Variants in SPDYE3 observed in about 807,000 individuals in gnomAD.
SPDYE3 encodes speedy protein E3.
Under a neutral mutation model 55.0 loss-of-function variants are expected in SPDYE3, and 15 were observed. The observed-to-expected ratio is 0.27, with a 90% CI of 0.18 to 0.42. The LOEUF (loss-of-function observed/expected upper bound fraction) is 0.42. SPDYE3 is among the 10% of genes least tolerant of loss of function. The probability of loss-of-function intolerance (pLI) is 1.00; values close to 1 mark genes in which losing one functional copy is unlikely to be tolerated. For missense variants in SPDYE3, 236 were observed against 576.7 expected, an observed-to-expected ratio of 0.41 and a Z score of 6.05; for synonymous variants, 89 against 229.9, an observed-to-expected ratio of 0.39 and a Z score of 5.55.
At chr7:100,318,132 A>T (rs1229974337) in intron 8 of SPDYE3, among the ~76,000 whole-genome samples, 1 of 151,978 alleles carries the variant, frequency 6.6e-6, no homozygotes, top group Non-Finnish European at 1.5e-5. Flanking sequence ...CAACCGCAAA[A>T]GCCACCAACC....
intron 8 of SPDYE3, among the ~76,000 whole-genome samples, chr7:100,318,925 T>A (rs1789509565): frequency 6.7e-6 from 1 of 148,638 alleles, no homozygotes. Flanking sequence ...TTTATTTATT[T>A]ATCAAGACAA....
intron 10 of SPDYE3, 171 bp from the exon 11 acceptor site, chr7:100,320,720 T>G (rs1789563162): frequency 9.2e-7 from 1 of 1,088,560 alleles, no homozygotes; most frequent in Non-Finnish European, 1.2e-6. Context: ...AAGCGTGAGT[T>G]TCACAGTTGA....
rs865954386 is a variant in SPDYE3, at chr7:100,317,970, C to T, written c.1346+815C>T. Among the ~76,000 whole-genome samples the T allele has an allele frequency of 9.9e-5, 13 of 131,066 alleles. No homozygotes were observed. In the East Asian group the frequency reaches 1.7e-3, roughly 17 times the overall value. 86.0% of individuals were successfully genotyped at this position (131,066 alleles called of 152,430 possible). ...CAGCCTGGGCGACAGAATGAGACTCCGTCTCAAAAAAAAAAAAAAAAAAAA... is the reference window on the plus strand; with the variant it reads ...CAGCCTGGGCGACAGAATGAGACTCTGTCTCAAAAAAAAAAAAAAAAAAAA... On this transcript the variant is annotated intron_variant, in intron 8 of 10. Transcript: ENST00000332397.
At chr7:100,318,472 C>T (rs1019191478) in intron 8 of SPDYE3, among the ~76,000 whole-genome samples, 13 of 152,270 alleles carry the variant, frequency 8.5e-5, no homozygotes, top group African/African-American at 2.9e-4. Flanking sequence ...ACTTTGCATT[C>T]GTGTTTTCTG....
Position 100,315,992 on chromosome 7 carries a change from G to C in SPDYE3, c.1260+149G>C, listed in dbSNP as rs1584999606. 4.5e-6 allele frequency: 6 copies of C among 1,337,870 alleles called. No individual in the cohort carries two copies. The South Asian group carries it at 4.9e-5, about 11-fold the overall frequency. The allele number at this position is 1,337,870 out of a possible 1,614,324, so 82.9% of individuals were successfully genotyped here. A position where few individuals can be genotyped will look rare whatever the true frequency, so the allele number is the denominator to read the frequency against. The stretch of plus-strand genomic sequence containing the variant: ...TTTTTGTTTTTGTTTTTTTTTGTGA[G>C]ACACAGTCTTGCTCTGTTGCCCAGG... On this transcript the variant is annotated intron_variant, in intron 7 of 10. Coordinates refer to ENST00000332397, the MANE Select transcript of SPDYE3 (RefSeq NM_001004351.5).
rs1030228904 is a variant in SPDYE3, at chr7:100,320,511, T to C, written c.*46-380T>C. 2.5e-5 allele frequency: 24 copies of C among 967,400 alleles called. No homozygotes were observed. The African/African-American group carries it at 3.9e-4, about 16-fold the overall frequency. The allele number at this position is 967,400 out of a possible 1,614,324, so 59.9% of individuals were successfully genotyped here. A position where few individuals can be genotyped will look rare whatever the true frequency, so the allele number is the denominator to read the frequency against. Reference sequence around the variant, plus strand: ...GCTTCTGGACTCGTGGTTTGTGATGTTGTCACATTAGAAACAGATCTAGCA... The same window carrying C: ...GCTTCTGGACTCGTGGTTTGTGATGCTGTCACATTAGAAACAGATCTAGCA... On this transcript the variant is annotated intron_variant, in intron 10 of 10. Transcript: ENST00000332397.
At position 100,316,300 on chromosome 7, in the gene SPDYE3, C is replaced by T. The variant is rs188632786; in HGVS notation, c.1260+457C>T. On this transcript the variant is annotated intron_variant, in intron 7 of 10. Transcript: ENST00000332397. ...CCATGGTCTTGAGTCTTGGCACCCA[C>T]ACATTTTTTTTTCTGAGACAGAGTC... is the stretch of plus-strand genomic sequence containing the variant. 5.8e-4 allele frequency among the ~76,000 whole-genome samples: 88 copies of T among 152,232 alleles called. 2 individuals are homozygous for T. The East Asian group carries it at 6.0e-3, about 10-fold the overall frequency.
In SPDYE3 at chr7:100,307,708, C is replaced by T. The variant is rs1203184232; in HGVS notation, c.-178C>T. On this transcript the variant is annotated 5_prime_UTR_variant, in exon 1 of 11. Transcript: ENST00000332397. ...CCTGATTGGAAGGACCGGACTCTGT[C>T]GGCGCCTGGCAGTTCAGGTGAACAA... 2.2e-6 allele frequency: 3 copies of T among 1,384,162 alleles called. No individual in the cohort carries two copies. The highest frequency in any genetic ancestry group is 1.5e-5 in the African/African-American group (1 of 68,244). 85.7% of individuals were successfully genotyped at this position (1,384,162 alleles called of 1,614,324 possible).
At chr7:100,320,690 T>G in intron 10 of SPDYE3, 1 of 1,075,664 alleles carries the variant, frequency 9.3e-7, no homozygotes. Context: ...GTGTATTAAG[T>G]TTTGGAGTCA....
intron 7 of SPDYE3, among the ~76,000 whole-genome samples, chr7:100,316,863 C>A (rs1299530242): frequency 1.3e-5 from 2 of 152,190 alleles, no homozygotes; most frequent in Non-Finnish European, 2.9e-5. Context: ...GGAGCATCAC[C>A]TAAAACCCTT....
chr7:100,312,881 A>G (rs1464553568), intron 4 of SPDYE3, among the ~76,000 whole-genome samples: 1 of 146,012 alleles, frequency 6.8e-6, no homozygotes, highest in East Asian at 2.0e-4. Context: ...GTCTCGAAAC[A>G]AAAAAAAAAA....
chr7:100,320,106 C>T, intron 10 of SPDYE3, 71 bp downstream of exon 10: 5 of 1,564,256 alleles, frequency 3.2e-6, no homozygotes, highest in South Asian at 2.3e-5. Context: ...AACCCAATTG[C>T]TTGATCTGGC....
At position 100,307,858 on chromosome 7, in the gene SPDYE3, T is replaced by C. The variant is rs1318711396; in HGVS notation, c.-28T>C. Reference sequence around the variant, plus strand: ...AGGACAGAACAGAGACTAGCTTCGGTGAGATTGGACAGATTTTGGGAAAGA... The same window carrying C: ...AGGACAGAACAGAGACTAGCTTCGGCGAGATTGGACAGATTTTGGGAAAGA... On this transcript the variant is annotated 5_prime_UTR_variant, in exon 1 of 11. Transcript: ENST00000332397. 7 of 1,553,810 alleles carry C rather than the reference T, an allele frequency of 4.5e-6. No individual in the cohort carries two copies. The highest frequency in any genetic ancestry group is 1.4e-5 in the African/African-American group (1 of 73,738).
chr7:100,316,784 A>G (rs527401742), intron 7 of SPDYE3, among the ~76,000 whole-genome samples: 1 of 152,056 alleles, frequency 6.6e-6, no homozygotes, highest in African/African-American at 2.4e-5. Flanking sequence ...TGGCACACAA[A>G]AGACCCTCCT....
At chr7:100,315,952 C>T (rs941226809) in intron 7 of SPDYE3, 109 bp downstream of exon 7, 67 of 1,540,422 alleles carry the variant, frequency 4.3e-5, no homozygotes, top group Non-Finnish European at 4.8e-5. Context: ...CCAGATGCTC[C>T]TACAGTTTTT....
rs759952351 is a variant in SPDYE3, at chr7:100,319,665, A to G, written c.1447A>G (p.Lys483Glu). 2.5e-6 allele frequency: 4 copies of G among 1,614,186 alleles called. No individual in the cohort carries two copies. The Admixed American group carries it at 5.0e-5, about 20-fold the overall frequency. Residue 483 changes from lysine (K) to glutamate (E), a missense_variant, in exon 9 of 11, where the codon AAG becomes GAG. Lys to Glu is a moderately conservative substitution (Grantham distance 56). Transcript: ENST00000332397. ...CCACTCTCACATACCCTTGCGCCCT[A>G]AGCATTGGTTCCAGTTATGCCGTCC... ...KTHSHIPLRP[K>E]HWFQLCRPMN...
At chr7:100,313,005 AAGTC>A (rs1027056973) in intron 4 of SPDYE3, 131 bp from the exon 5 acceptor site, 1 of 570,292 alleles carries the variant, frequency 1.8e-6, no homozygotes, top group African/African-American at 1.9e-5. Context: ...GCAGAGGAGA[AAGTC>A]AGAAAGGTGG....
rs1386398637 is a variant in SPDYE3 at position 100,321,950 on chromosome 7, C to G, written c.*1105C>G. On this transcript the variant is annotated 3_prime_UTR_variant, in exon 11 of 11. Coordinates refer to ENST00000332397, the MANE Select transcript of SPDYE3 (RefSeq NM_001004351.5). ...TGGTATTTTTGAATAGATGCTGTTT[C>G]TATAAAGCTGTGTGATGGGTATTAT... The G allele has an allele frequency of 6.7e-6, 1 of 149,840 alleles. No homozygotes were observed. Among genetic ancestry groups the G allele is most frequent in the Non-Finnish European group, 1.5e-5 (1 of 67,552 alleles). The allele number at this position is 149,840 out of a possible 1,614,324, so 9.3% of individuals were successfully genotyped here.
At chr7:100,316,217 C>T (rs1457491779) in intron 7 of SPDYE3, among the ~76,000 whole-genome samples, 9 of 152,152 alleles carry the variant, frequency 5.9e-5, no homozygotes, top group Non-Finnish European at 8.8e-5. Context: ...GTGATCCACC[C>T]GCCTTGGCCT....
Sources: gnomAD v4.1 joint callset for allele counts (sites outside exome capture counted in the v4.1 genomes callset) on GRCh38, gnomAD v4.1.1 for gene constraint, MANE v1.5 for transcripts, NCBI Gene and HGNC (gene_info 2026-07-23, HGNC 2026-07-21) for gene names.